The following KRT8 variants were observed in gnomAD, a reference collection of about 807,000 sequenced individuals.
The protein encoded by KRT8 is keratin, type II cytoskeletal 8.
In KRT8, 24 loss-of-function variants were observed where a neutral mutation model predicts 43.0. The observed-to-expected ratio is 0.56, with a 90% CI of 0.40 to 0.78. KRT8 has a LOEUF of 0.78. KRT8 is among the 30% of genes least tolerant of loss of function. The probability of loss-of-function intolerance (pLI) is 0.00; values close to 1 mark genes in which losing one functional copy is unlikely to be tolerated. For synonymous variants in KRT8, 214 were observed against 261.2 expected (o/e 0.82, Z 1.74); for missense variants, 492 against 638.4 (o/e 0.77, Z 2.47).
chr12:52,940,158 C>T (rs1458019489), intron 2 of KRT8, among the ~76,000 whole-genome samples: 5 of 151,882 alleles, frequency 3.3e-5, no homozygotes, highest in South Asian at 2.1e-4. Context: ...CCAGGCCAGG[C>T]GTGGTGGCTC....
intron 2 of KRT8, among the ~76,000 whole-genome samples, chr12:52,926,727 A>C (rs939389362): frequency 2.0e-5 from 3 of 152,130 alleles, no homozygotes; most frequent in African/African-American, 7.2e-5. Flanking sequence ...TTGGGAGTTC[A>C]GTCTTCTTAT....
intron 2 of KRT8, among the ~76,000 whole-genome samples, chr12:52,942,218 C>T (rs927220427): frequency 2.6e-5 from 4 of 152,132 alleles, no homozygotes; most frequent in Admixed American, 6.6e-5. Context: ...CCTGCTCCGC[C>T]CCAGGCCCTA....
intron 1 of KRT8, among the ~76,000 whole-genome samples, chr12:52,904,053 A>G (rs916941977): frequency 6.6e-6 from 1 of 151,822 alleles, no homozygotes; most frequent in African/African-American, 2.4e-5. Flanking sequence ...AAAGGCCTCA[A>G]TCAATATTTG....
At chr12:52,949,716 T>A (rs1418413337) in exon 1 of KRT8, 1 of 871,220 alleles carries the variant, frequency 1.1e-6, no homozygotes, top group Admixed American at 2.0e-5. Context: ...TGGGCATACC[T>A]GGATTTCCAT....
chr12:52,899,570 CCT>C (rs1941309693), intron 5 of KRT8, among the ~76,000 whole-genome samples: 1 of 152,132 alleles, frequency 6.6e-6, no homozygotes, highest in Non-Finnish European at 1.5e-5. Flanking sequence ...TCCCCTTTCA[CCT>C]CTGTCCTGGC....
At chr12:52,909,480 T>C (rs1380316537), upstream of KRT8, among the ~76,000 whole-genome samples, 1 of 152,242 alleles carries the variant, frequency 6.6e-6, no homozygotes, top group African/African-American at 2.4e-5. Flanking sequence ...TTGCTAATTT[T>C]GTGTTATGTG....
intron 2 of KRT8, among the ~76,000 whole-genome samples, chr12:52,944,059 T>C (rs1026900471): frequency 2.0e-5 from 3 of 151,916 alleles, no homozygotes; most frequent in African/African-American, 4.8e-5. Flanking sequence ...AAGGAGCAAA[T>C]GGGGCAAAGC....
intron 2 of KRT8, among the ~76,000 whole-genome samples, chr12:52,940,388 A>G (rs1183947876): frequency 2.0e-5 from 3 of 149,098 alleles, no homozygotes; most frequent in African/African-American, 7.4e-5. Flanking sequence ...AACCAAGATC[A>G]TGCCACTGCA....
chr12:52,918,066 A>T (rs1376070513), intron 2 of KRT8, among the ~76,000 whole-genome samples: 1 of 134,646 alleles, frequency 7.4e-6, no homozygotes, highest in Non-Finnish European at 1.6e-5. Flanking sequence ...GAAGAAGGAG[A>T]AGAAGAAGAG....
intron 5 of KRT8, 56 bp from the exon 6 acceptor site, chr12:52,898,955 G>C (rs377180755): frequency 6.6e-7 from 1 of 1,509,246 alleles, no homozygotes. Flanking sequence ...CTCTTCTCCC[G>C]TGCTCCCACC....
At chr12:52,906,676 G>C (rs769080177), upstream of KRT8, 7 of 455,782 alleles carry the variant, frequency 1.5e-5, no homozygotes, top group Non-Finnish European at 3.1e-5. Context: ...TTCTCTGGAA[G>C]ATACTGCAGG....
chr12:52,932,517 T>C (rs1942101536), intron 2 of KRT8, among the ~76,000 whole-genome samples: 1 of 152,180 alleles, frequency 6.6e-6, no homozygotes, highest in African/African-American at 2.4e-5. Context: ...TATGTTCTCA[T>C]CACTTTTATT....
intron 2 of KRT8, among the ~76,000 whole-genome samples, chr12:52,918,956 G>C (rs535530484): frequency 3.2e-4 from 48 of 152,288 alleles, no homozygotes; most frequent in Non-Finnish European, 6.0e-4. Flanking sequence ...CCTCTTCCCA[G>C]GGTAGGTGGT....
chr12:52,905,750 CAT>C (rs1941503449), upstream of KRT8, among the ~76,000 whole-genome samples: 1 of 148,648 alleles, frequency 6.7e-6, no homozygotes, highest in African/African-American at 2.5e-5. Flanking sequence ...CACACATACA[CAT>C]ACACACACAG....
intron 2 of KRT8, among the ~76,000 whole-genome samples, chr12:52,912,116 C>T (rs1941647999): frequency 6.6e-6 from 1 of 152,186 alleles, no homozygotes; most frequent in African/African-American, 2.4e-5. Flanking sequence ...AGAGCAGCAA[C>T]CAGGCACCTA....
At chr12:52,926,466 G>A (rs1257167042) in intron 2 of KRT8, 1 of 1,535,630 alleles carries the variant, frequency 6.5e-7, no homozygotes, top group Admixed American at 2.0e-5. Flanking sequence ...AACATTTGCT[G>A]AATGAAAATC....
At chr12:52,926,483 C>G in intron 2 of KRT8, 2 of 1,535,280 alleles carry the variant, frequency 1.3e-6, no homozygotes, top group Non-Finnish European at 1.7e-6. Flanking sequence ...AATCATGCAT[C>G]AGGCACCTCC....
chr12:52,943,016 C>A (rs1942290717), intron 2 of KRT8, among the ~76,000 whole-genome samples: 1 of 152,082 alleles, frequency 6.6e-6, no homozygotes, highest in Admixed American at 6.6e-5. Flanking sequence ...GAATCTCAAG[C>A]AGGATTAGTG....
At chr12:52,916,302 C>G (rs1941738947) in intron 2 of KRT8, among the ~76,000 whole-genome samples, 1 of 152,136 alleles carries the variant, frequency 6.6e-6, no homozygotes, top group African/African-American at 2.4e-5. Context: ...GGTCTGGAGG[C>G]CTGCAGTGTG....
Sources: gnomAD v4.1 joint callset for allele counts (sites outside exome capture counted in the v4.1 genomes callset) on GRCh38, gnomAD v4.1.1 for gene constraint, MANE v1.5 for transcripts, NCBI Gene and HGNC (gene_info 2026-07-23, HGNC 2026-07-21) for gene names.